ACSS3: variants seen among roughly 807,000 people sequenced by gnomAD.
The protein encoded by ACSS3 is acyl-CoA synthetase short-chain family member 3, mitochondrial.
ACSS3 carries 64 observed loss-of-function variants against 84.2 expected under a neutral mutation model. The observed-to-expected ratio is 0.76, with a 90% CI of 0.62 to 0.94. The LOEUF (loss-of-function observed/expected upper bound fraction) is 0.94. Among genes scored for constraint, ACSS3 ranks in the 40% least tolerant of loss-of-function variants. The pLI, the probability that ACSS3 is intolerant of heterozygous loss-of-function variation, is 0.00. For synonymous variants in ACSS3, 317 were observed against 310.1 expected (o/e 1.02, Z -0.23); for missense variants, 815 against 867.6 (o/e 0.94, Z 0.76).
intron 1 of ACSS3, among the ~76,000 whole-genome samples, chr12:81,083,490 T>G (rs1881120379): frequency 6.6e-6 from 1 of 151,860 alleles, no homozygotes; most frequent in Non-Finnish European, 1.5e-5. Context: ...CCCAAGTAAC[T>G]GGGATTACAG....
intron 5 of ACSS3, among the ~76,000 whole-genome samples, chr12:81,148,880 T>G (rs1593128511): frequency 1.7e-5 from 2 of 118,190 alleles, no homozygotes; most frequent in African/African-American, 3.2e-5. Flanking sequence ...GCTAGCACGG[T>G]GAAACCCTGC....
rs1358032350 is a variant in ACSS3 at position 81,253,291 on chromosome 12, C to T, written c.1720-16C>T. 1.2e-6 allele frequency: 2 copies of T among 1,605,844 alleles called. No individual in the cohort carries two copies. Among genetic ancestry groups the T allele is most frequent in the Non-Finnish European group, 1.7e-6 (2 of 1,172,790 alleles). Reference sequence around the variant, plus strand: ...TAAATAAATGTATTCTAAATGAATGCCTTTCCTTATTACAGTCAATCCTTT... The same window carrying T: ...TAAATAAATGTATTCTAAATGAATGTCTTTCCTTATTACAGTCAATCCTTT... On this transcript the variant is annotated splice_polypyrimidine_tract_variant and intron_variant, in intron 13 of 15. Transcript: ENST00000548058.
intron 1 of ACSS3, among the ~76,000 whole-genome samples, chr12:81,083,761 G>A (rs1593016156): frequency 3.3e-5 from 5 of 152,110 alleles, no homozygotes; most frequent in Admixed American, 3.3e-4. Context: ...GACGACGTCA[G>A]GAGATCCAGA....
intron 13 of ACSS3, among the ~76,000 whole-genome samples, chr12:81,243,618 G>C (rs2033885185): frequency 6.6e-6 from 1 of 152,108 alleles, no homozygotes; most frequent in Non-Finnish European, 1.5e-5. Flanking sequence ...TATACTACAA[G>C]GCTACAGTAA....
intron 2 of ACSS3, among the ~76,000 whole-genome samples, chr12:81,124,081 G>A (rs146162080): frequency 3.4e-4 from 52 of 152,272 alleles, no homozygotes; most frequent in Non-Finnish European, 2.2e-4. Context: ...TTCCACAGTG[G>A]CTGAACTAAT....
At chr12:81,099,966 C>T (rs958223196) in intron 1 of ACSS3, among the ~76,000 whole-genome samples, 1 of 152,132 alleles carries the variant, frequency 6.6e-6, no homozygotes, top group Non-Finnish European at 1.5e-5. Flanking sequence ...CGTTCACTGA[C>T]TTAGCTCAAT....
At chr12:81,088,073 T>C (rs953888140) in intron 1 of ACSS3, among the ~76,000 whole-genome samples, 5 of 152,156 alleles carry the variant, frequency 3.3e-5, no homozygotes, top group African/African-American at 1.2e-4. Flanking sequence ...TACGTGATTA[T>C]GCGATTAGCT....
intron 1 of ACSS3, among the ~76,000 whole-genome samples, chr12:81,102,709 G>C (rs1882620577): frequency 6.6e-6 from 1 of 151,558 alleles, no homozygotes; most frequent in Admixed American, 6.6e-5. Context: ...CACACCTGTA[G>C]TCCCAGCTAC....
intron 7 of ACSS3, among the ~76,000 whole-genome samples, chr12:81,173,407 AAG>A (rs1367928644): frequency 1.3e-5 from 2 of 152,204 alleles, no homozygotes; most frequent in African/African-American, 2.4e-5. Flanking sequence ...TTGGTATTAA[AAG>A]AGCAAAATAG....
At chr12:81,147,487 A>G (rs143367787) in intron 5 of ACSS3, among the ~76,000 whole-genome samples, 75 of 152,308 alleles carry the variant, frequency 4.9e-4, no homozygotes, top group African/African-American at 1.8e-3. Flanking sequence ...CTAGGTGGGG[A>G]TATCAGTCCT....
At chr12:81,195,674 C>T (rs1409122720) in intron 8 of ACSS3, among the ~76,000 whole-genome samples, 1 of 151,858 alleles carries the variant, frequency 6.6e-6, no homozygotes, top group African/African-American at 2.4e-5. Flanking sequence ...TATCCCCCTT[C>T]CTTGTTCTCA....
chr12:81,111,331 G>T (rs943604716), intron 2 of ACSS3, among the ~76,000 whole-genome samples: 8 of 152,128 alleles, frequency 5.3e-5, no homozygotes, highest in Non-Finnish European at 1.2e-4. Context: ...ACTCCAGTGG[G>T]GATGGCACCA....
chr12:81,112,944 G>C (rs1399469791), intron 2 of ACSS3, among the ~76,000 whole-genome samples: 2 of 151,960 alleles, frequency 1.3e-5, no homozygotes, highest in Non-Finnish European at 2.9e-5. Flanking sequence ...AGAAGTAGAG[G>C]TTTTCTAAAA....
At chr12:81,169,692 G>A (rs573602468) in intron 7 of ACSS3, among the ~76,000 whole-genome samples, 37 of 151,940 alleles carry the variant, frequency 2.4e-4, no homozygotes, top group African/African-American at 8.9e-4. Flanking sequence ...TCACTAAATA[G>A]TATATCCTGG....
At chr12:81,223,300 G>A (rs1041429377) in intron 11 of ACSS3, among the ~76,000 whole-genome samples, 1 of 152,016 alleles carries the variant, frequency 6.6e-6, no homozygotes, top group Non-Finnish European at 1.5e-5. Flanking sequence ...TTGTCTGAGT[G>A]GCTTTTACTT....
At chr12:81,242,218 T>C (rs2033829332) in intron 13 of ACSS3, among the ~76,000 whole-genome samples, 1 of 152,138 alleles carries the variant, frequency 6.6e-6, no homozygotes, top group Non-Finnish European at 1.5e-5. Flanking sequence ...CATCAGAGAA[T>C]ACTACAAACA....
At chr12:81,134,454 A>G (rs1885681937) in intron 2 of ACSS3, among the ~76,000 whole-genome samples, 1 of 152,248 alleles carries the variant, frequency 6.6e-6, no homozygotes, top group South Asian at 2.1e-4. Context: ...TGCAATACAT[A>G]GGCTCTACAG....
chr12:81,220,292 C>A (rs1277841921), intron 11 of ACSS3, among the ~76,000 whole-genome samples: 3 of 151,804 alleles, frequency 2.0e-5, no homozygotes, highest in Non-Finnish European at 2.9e-5. Flanking sequence ...ACAAATTTTG[C>A]ATATTTTTAA....
At chr12:81,158,632 C>T (rs1007715790) in intron 7 of ACSS3, among the ~76,000 whole-genome samples, 3 of 151,974 alleles carry the variant, frequency 2.0e-5, no homozygotes, top group African/African-American at 4.8e-5. Flanking sequence ...CAACGTGCTC[C>T]TGTCTAATGT....
Sources: gnomAD v4.1 joint callset for allele counts (sites outside exome capture counted in the v4.1 genomes callset) on GRCh38, gnomAD v4.1.1 for gene constraint, MANE v1.5 for transcripts, NCBI Gene and HGNC (gene_info 2026-07-23, HGNC 2026-07-21) for gene names.